TYW1: variants seen among roughly 807,000 people sequenced by gnomAD.
The protein encoded by TYW1 is S-adenosyl-L-methionine-dependent tRNA 4-demethylwyosine synthase TYW1.
In TYW1, 46 loss-of-function variants were observed where a neutral mutation model predicts 96.2. The observed-to-expected ratio is 0.48, with a 90% CI of 0.38 to 0.61. The LOEUF (loss-of-function observed/expected upper bound fraction) is 0.61. Among genes scored for constraint, TYW1 ranks in the 20% least tolerant of loss-of-function variants. The pLI is 0.00. For synonymous variants in TYW1, 274 were observed against 323.0 expected (o/e 0.85, Z 1.63); for missense variants, 684 against 909.6 (o/e 0.75, Z 3.19).
At chr7:67,111,742 T>C (rs1291072578) in intron 12 of TYW1, among the ~76,000 whole-genome samples, 1 of 152,208 alleles carries the variant, frequency 6.6e-6, no homozygotes, top group African/African-American at 2.4e-5. Flanking sequence ...ACAACACACT[T>C]GTTAAATAAC....
chr7:67,076,931 C>T (rs1216438450), intron 10 of TYW1, among the ~76,000 whole-genome samples: 1 of 151,938 alleles, frequency 6.6e-6, no homozygotes, highest in Middle Eastern at 3.2e-3. Context: ...CGTGCCACCA[C>T]CTGGCTAATT....
intron 10 of TYW1, among the ~76,000 whole-genome samples, chr7:67,072,393 C>T (rs914951614): frequency 3.3e-5 from 5 of 151,892 alleles, no homozygotes; most frequent in Non-Finnish European, 5.9e-5. Context: ...ATTACAGGTG[C>T]GTGCCACCAT....
At chr7:67,103,247 C>T (rs1346138902) in intron 12 of TYW1, among the ~76,000 whole-genome samples, 1 of 152,194 alleles carries the variant, frequency 6.6e-6, no homozygotes, top group African/African-American at 2.4e-5. Context: ...GGGTTGAGGA[C>T]ATAATCTTTC....
chr7:67,171,842 C>CT (rs1271539690), intron 13 of TYW1, among the ~76,000 whole-genome samples: 3 of 151,860 alleles, frequency 2.0e-5, no homozygotes, highest in African/African-American at 7.2e-5. Flanking sequence ...TATTTTCAAC[C>CT]TTTTTTGTAT....
chr7:67,076,902 C>A (rs10252479), intron 10 of TYW1, among the ~76,000 whole-genome samples: 36,731 of 151,304 alleles, frequency 0.24, 4,722 homozygotes, highest in African/African-American at 0.32. Flanking sequence ...AGCCTCCTGA[C>A]TAACTGGGAT....
rs2690149 is a variant in TYW1 at position 67,133,668 on chromosome 7, G to A, written c.1698+16050G>A. On this transcript the variant is annotated intron_variant, in intron 13 of 15. Coordinates refer to ENST00000359626, the MANE Select transcript of TYW1 (RefSeq NM_018264.4). ...TTTGGAATTACAGGTGTGAGCCACT[G>A]TGCCTGGCCATTGTCAGGGTTTTAG... is the stretch of plus-strand genomic sequence containing the variant. 9.1e-3 allele frequency among the ~76,000 whole-genome samples: 929 copies of A among 102,076 alleles called. 15 individuals carry two copies. The highest frequency in any genetic ancestry group is 0.015 in the African/African-American group (350 of 23,346). 67.0% of individuals were successfully genotyped at this position (102,076 alleles called of 152,430 possible).
At chr7:67,144,574 A>G (rs6948008) in intron 13 of TYW1, among the ~76,000 whole-genome samples, 39,452 of 151,892 alleles carry the variant, frequency 0.26, 5,597 homozygotes, top group African/African-American at 0.38. Context: ...CGACTCAAGC[A>G]ATCCTCCTGC....
At position 67,055,823 on chromosome 7, in the gene TYW1, T is replaced by G. The variant is rs756521464; in HGVS notation, c.1103-12T>G. ...ATCAGTCCAACTTTGTGTTCCCTGC[T>G]TTTCCACTCAGGTTATCAGTTGATT... On this transcript the variant is annotated splice_polypyrimidine_tract_variant and intron_variant, in intron 8 of 15. Coordinates refer to ENST00000359626, the MANE Select transcript of TYW1 (RefSeq NM_018264.4). 1 of 1,607,644 alleles carries G rather than the reference T, an allele frequency of 6.2e-7. No homozygotes were observed. Among genetic ancestry groups the G allele is most frequent in the Non-Finnish European group, 8.5e-7 (1 of 1,177,558 alleles).
At chr7:67,098,096 T>A (rs1796975524) in intron 11 of TYW1, among the ~76,000 whole-genome samples, 1 of 152,092 alleles carries the variant, frequency 6.6e-6, no homozygotes. Context: ...AACGATTAGG[T>A]CTCTTCTTTT....
intron 15 of TYW1, among the ~76,000 whole-genome samples, chr7:67,209,111 G>C (rs1292574140): frequency 6.6e-6 from 1 of 152,156 alleles, no homozygotes; most frequent in Non-Finnish European, 1.5e-5. Flanking sequence ...AATTACTTTT[G>C]CACCAACATA....
At chr7:67,075,439 A>C (rs141407766) in intron 10 of TYW1, among the ~76,000 whole-genome samples, 29 of 152,338 alleles carry the variant, frequency 1.9e-4, no homozygotes, top group African/African-American at 7.0e-4. Context: ...ACCAGTAAGC[A>C]CATGAAAAGA....
intron 13 of TYW1, among the ~76,000 whole-genome samples, chr7:67,144,750 G>A (rs755390242): frequency 3.9e-5 from 6 of 152,164 alleles, no homozygotes; most frequent in Admixed American, 3.3e-4. Flanking sequence ...GATTGCAGGC[G>A]TGAGCCACCG....
chr7:67,180,269 A>G lies in TYW1; in HGVS notation c.1699-2857A>G, dbSNP rs1426872948. 1.5e-5 allele frequency among the ~76,000 whole-genome samples: 2 copies of G among 130,298 alleles called. 1 individual carries two copies. Among genetic ancestry groups the G allele is most frequent in the African/African-American group, 6.4e-5 (2 of 31,488 alleles). The allele number at this position is 130,298 out of a possible 152,430, so 85.5% of individuals were successfully genotyped here. ...TTCCAGATTCCACATGCTAAATGCT[A>G]CATTCAGGTAGAAACTAAGAACAGA... On this transcript the variant is annotated intron_variant, in intron 13 of 15. Transcript: ENST00000359626.
At chr7:67,042,695 G>A (rs1367860151) in intron 7 of TYW1, among the ~76,000 whole-genome samples, 1 of 151,952 alleles carries the variant, frequency 6.6e-6, no homozygotes, top group Non-Finnish European at 1.5e-5. Context: ...GAGTTCCAGT[G>A]TAGGTTTAAA....
At chr7:67,014,894 T>A (rs998392124) in intron 5 of TYW1, among the ~76,000 whole-genome samples, 4 of 151,798 alleles carry the variant, frequency 2.6e-5, no homozygotes, top group African/African-American at 9.7e-5. Flanking sequence ...CAGGCTTGGC[T>A]AATTTTTGTA....
chr7:67,072,939 T>G lies in TYW1; in HGVS notation c.1274+5536T>G, dbSNP rs1342568278. Reference sequence around the variant, plus strand: ...TGTGCCACAATGCCTATCCAGTTTTTTTTTTTTTTTTTTTTTTTTTTTTTT... The same window carrying G: ...TGTGCCACAATGCCTATCCAGTTTTGTTTTTTTTTTTTTTTTTTTTTTTTT... On this transcript the variant is annotated intron_variant, in intron 10 of 15. Transcript: ENST00000359626. 8.4e-4 allele frequency among the ~76,000 whole-genome samples: 90 copies of G among 107,534 alleles called. No homozygotes were observed. The South Asian group carries it at 9.7e-3, about 12-fold the overall frequency. 70.5% of individuals were successfully genotyped at this position (107,534 alleles called of 152,430 possible).
intron 13 of TYW1, among the ~76,000 whole-genome samples, chr7:67,167,640 T>C (rs964566232): frequency 6.6e-6 from 1 of 152,054 alleles, no homozygotes; most frequent in African/African-American, 2.4e-5. Flanking sequence ...TTTGATTCAA[T>C]GCTGTTTATT....
intron 7 of TYW1, among the ~76,000 whole-genome samples, chr7:67,028,006 G>T (rs1794513055): frequency 6.6e-6 from 1 of 151,232 alleles, no homozygotes; most frequent in Non-Finnish European, 1.5e-5. Context: ...AGGCCGAGGT[G>T]GGTGGATTGC....
chr7:67,022,243 G>A (rs1794302642), intron 6 of TYW1, among the ~76,000 whole-genome samples: 1 of 152,110 alleles, frequency 6.6e-6, no homozygotes, highest in African/African-American at 2.4e-5. Flanking sequence ...TAAAAGTTTT[G>A]GAAGCATAGC....
Sources: gnomAD v4.1 joint callset for allele counts (sites outside exome capture counted in the v4.1 genomes callset) on GRCh38, gnomAD v4.1.1 for gene constraint, MANE v1.5 for transcripts, NCBI Gene and HGNC (gene_info 2026-07-23, HGNC 2026-07-21) for gene names.